The following ABCD3 variants were observed in gnomAD, a reference collection of about 807,000 sequenced individuals.
ABCD3 encodes the protein ATP binding cassette subfamily D member 3.
A neutral mutation model predicts 105.5 loss-of-function variants in ABCD3; 41 were observed. The ratio of observed to expected loss-of-function variants is 0.39; its 90% CI spans 0.30 to 0.50. ABCD3 has a LOEUF of 0.50. ABCD3 is among the 20% of genes least tolerant of loss of function. The pLI, the probability that ABCD3 is intolerant of heterozygous loss-of-function variation, is 0.84. For missense variants in ABCD3, 622 were observed against 806.3 expected, an observed-to-expected ratio of 0.77 and a Z score of 2.77; for synonymous variants, 258 against 269.0, an observed-to-expected ratio of 0.96 and a Z score of 0.40.
At chr1:94,503,901 T>G in intron 20 of ABCD3, among the ~76,000 whole-genome samples, 1 of 140,830 alleles carries the variant, frequency 7.1e-6, no homozygotes, top group African/African-American at 2.6e-5. Flanking sequence ...CAGGTACAAG[T>G]GATTCTTTTT....
At chr1:94,479,281 G>T (rs957990135) in intron 8 of ABCD3, among the ~76,000 whole-genome samples, 1 of 151,846 alleles carries the variant, frequency 6.6e-6, no homozygotes, top group Non-Finnish European at 1.5e-5. Flanking sequence ...ATATTTTTAT[G>T]GTACTTAACT....
chr1:94,471,740 C>T (rs1363752109), intron 4 of ABCD3, among the ~76,000 whole-genome samples: 1 of 152,102 alleles, frequency 6.6e-6, no homozygotes, highest in Non-Finnish European at 1.5e-5. Flanking sequence ...AGTATTTAAG[C>T]TACAGTGCAA....
chr1:94,491,941 G>A (rs1570813071), intron 16 of ABCD3, among the ~76,000 whole-genome samples: 1 of 152,144 alleles, frequency 6.6e-6, no homozygotes, highest in Non-Finnish European at 1.5e-5. Flanking sequence ...CTATCACATA[G>A]GCTATGTTCC....
intron 2 of ABCD3, among the ~76,000 whole-genome samples, chr1:94,459,235 T>C (rs977506361): frequency 2.6e-5 from 4 of 151,840 alleles, no homozygotes; most frequent in African/African-American, 9.7e-5. Flanking sequence ...CACCCACATA[T>C]ATTTGAAGAT....
chr1:94,509,119 G>A (rs1017991355), intron 21 of ABCD3, among the ~76,000 whole-genome samples: 21 of 152,146 alleles, frequency 1.4e-4, no homozygotes, highest in African/African-American at 4.8e-4. Context: ...ATTGGCTGTG[G>A]GTTTGTCATA....
At chr1:94,504,976 A>G (rs1191856176) in intron 20 of ABCD3, among the ~76,000 whole-genome samples, 1 of 152,110 alleles carries the variant, frequency 6.6e-6, no homozygotes, top group Admixed American at 6.6e-5. Flanking sequence ...GAAGAGGAAA[A>G]GGGAAGGACC....
Position 94,493,600 on chromosome 1 carries a change from C to T in ABCD3, c.1386+2353C>T, listed in dbSNP as rs1233553728. The stretch of plus-strand genomic sequence containing the variant: ...CAGCCATCCCATTACTGGGTATATA[C>T]CCAAAGGACTATAAATCATGCTGCT... On this transcript the variant is annotated intron_variant, in intron 16 of 22. Coordinates refer to ENST00000370214, the MANE Select transcript of ABCD3 (RefSeq NM_002858.4). Among the ~76,000 whole-genome samples, 244 of 151,468 alleles carry T rather than the reference C, an allele frequency of 1.6e-3. 4 individuals are homozygous for T. The highest frequency in any genetic ancestry group is 8.9e-3 in the Admixed American group (136 of 15,242).
At chr1:94,470,281 G>A (rs374642352) in intron 4 of ABCD3, among the ~76,000 whole-genome samples, 7 of 152,234 alleles carry the variant, frequency 4.6e-5, no homozygotes, top group African/African-American at 1.4e-4. Flanking sequence ...TCTGTTCTGG[G>A]TCTCAACCTT....
rs574074874 is a variant in ABCD3, at chr1:94,517,631, G to A, written c.*502G>A. 19 of 166,086 alleles carry A rather than the reference G, an allele frequency of 1.1e-4. No individual in the cohort carries two copies. The East Asian group carries it at 1.6e-3, about 14-fold the overall frequency. 10.3% of individuals were successfully genotyped at this position (166,086 alleles called of 1,614,324 possible). A position where few individuals can be genotyped will look rare whatever the true frequency, so the allele number is the denominator to read the frequency against. Reference sequence around the variant, plus strand: ...ATGTTTAACATCATTGCATAACAGCGTTTATTATACAGTGGCAGATTTCTT... The same window carrying A: ...ATGTTTAACATCATTGCATAACAGCATTTATTATACAGTGGCAGATTTCTT... On this transcript the variant is annotated 3_prime_UTR_variant, in exon 23 of 23. Coordinates refer to ENST00000370214, the MANE Select transcript of ABCD3 (RefSeq NM_002858.4).
chr1:94,504,402 T>G (rs1033637448), intron 20 of ABCD3, among the ~76,000 whole-genome samples: 2 of 152,148 alleles, frequency 1.3e-5, no homozygotes, highest in Non-Finnish European at 2.9e-5. Flanking sequence ...ATATATGAAG[T>G]GCTTCAGAGG....
chr1:94,475,592 A>T, intron 6 of ABCD3, 22 bp from the exon 7 acceptor site: 1 of 1,604,620 alleles, frequency 6.2e-7, no homozygotes, highest in South Asian at 1.1e-5. Context: ...TTTTAAAATC[A>T]CTTTTCTTCT....
At chr1:94,505,428 G>T (rs1358541466) in intron 20 of ABCD3, among the ~76,000 whole-genome samples, 1 of 146,882 alleles carries the variant, frequency 6.8e-6, no homozygotes, top group African/African-American at 2.5e-5. Context: ...GCCTGGGCTG[G>T]TTTCAAACTC....
intron 1 of ABCD3, among the ~76,000 whole-genome samples, chr1:94,421,406 C>T (rs1049904713): frequency 2.0e-5 from 3 of 152,158 alleles, no homozygotes; most frequent in African/African-American, 7.2e-5. Context: ...GATTCCAGCA[C>T]TGCTAAGCTA....
chr1:94,494,817 A>G (rs1649718201), intron 16 of ABCD3, among the ~76,000 whole-genome samples: 1 of 152,166 alleles, frequency 6.6e-6, no homozygotes, highest in South Asian at 2.1e-4. Flanking sequence ...GCAGGTTACC[A>G]TGTGGGGATT....
intron 21 of ABCD3, among the ~76,000 whole-genome samples, chr1:94,507,443 G>A (rs544544167): frequency 0.013 from 2,039 of 151,990 alleles, 48 homozygotes; most frequent in African/African-American, 0.047. Context: ...TAATGCCGCA[G>A]TAAACATACG....
At chr1:94,487,490 T>G (rs1649329999) in intron 10 of ABCD3, 52 bp from the exon 11 acceptor site, 1 of 1,505,666 alleles carries the variant, frequency 6.6e-7, no homozygotes, top group Admixed American at 1.7e-5. Flanking sequence ...TATAGTAGAT[T>G]CAGTTTTTTA....
the ABCD3 span, among the ~76,000 whole-genome samples, chr1:94,386,434 A>G: frequency 6.6e-6 from 1 of 152,240 alleles, no homozygotes. Context: ...CTTCTATTAC[A>G]CATTATTAGT....
intron 1 of ABCD3, chr1:94,455,896 T>C: frequency 8.5e-7 from 1 of 1,174,744 alleles, no homozygotes; most frequent in Non-Finnish European, 1.1e-6. Flanking sequence ...TTTATAACAT[T>C]TATTAGTGGT....
chr1:94,513,325 T>C (rs1650771924), intron 21 of ABCD3: 1 of 152,094 alleles, frequency 6.6e-6, no homozygotes. Context: ...TTTGACCACG[T>C]GATTTCCTCT....
Sources: gnomAD v4.1 joint callset for allele counts (sites outside exome capture counted in the v4.1 genomes callset) on GRCh38, gnomAD v4.1.1 for gene constraint, MANE v1.5 for transcripts, NCBI Gene and HGNC (gene_info 2026-07-23, HGNC 2026-07-21) for gene names.